Variants in PTPA observed in about 807,000 individuals in gnomAD.
PTPA encodes serine/threonine-protein phosphatase 2A activator.
In PTPA, 13 loss-of-function variants were observed where a neutral mutation model predicts 43.6. The observed-to-expected ratio is 0.30, with a 90% CI of 0.19 to 0.47. The LOEUF (loss-of-function observed/expected upper bound fraction) is 0.47, where lower values mean the gene tolerates loss of function less well. Ranked by LOEUF, PTPA falls within the 20% of genes least tolerant of loss-of-function variation. The pLI is 0.99. For missense variants in PTPA, 329 were observed against 411.9 expected, an observed-to-expected ratio of 0.80 and a Z score of 1.74; for synonymous variants, 172 against 158.2, an observed-to-expected ratio of 1.09 and a Z score of -0.66.
intron 2 of PTPA, among the ~76,000 whole-genome samples, chr9:129,121,391 T>G (rs547540138): frequency 6.6e-6 from 1 of 152,224 alleles, no homozygotes; most frequent in Non-Finnish European, 1.5e-5. Flanking sequence ...GTCTGATTCC[T>G]TTTTCACAAG....
At chr9:129,129,441 T>C (rs1399210556) in intron 4 of PTPA, among the ~76,000 whole-genome samples, 1 of 152,092 alleles carries the variant, frequency 6.6e-6, no homozygotes, top group Non-Finnish European at 1.5e-5. Context: ...ACTGTGCAGC[T>C]ATAAAAAGGA....
chr9:129,111,425 C>T lies in PTPA; in HGVS notation c.-176C>T, dbSNP rs1848472578. 1 of 1,249,344 alleles carries T rather than the reference C, an allele frequency of 8.0e-7. No individual in the cohort carries two copies. Among genetic ancestry groups the T allele is most frequent in the East Asian group, 3.2e-5 (1 of 31,582 alleles). The allele number at this position is 1,249,344 out of a possible 1,614,324, so 77.4% of individuals were successfully genotyped here. A position where few individuals can be genotyped will look rare whatever the true frequency, so the allele number is the denominator to read the frequency against. On this transcript the variant is annotated 5_prime_UTR_variant, in exon 1 of 10. Coordinates refer to ENST00000393370, the MANE Select transcript of PTPA (RefSeq NM_178000.3). ...CCCTGAGCGCCCCGCACCGACATGG[C>T]GGCCGTCTTCGCTGTGGTGACTTTA... is the stretch of plus-strand genomic sequence containing the variant.
intron 1 of PTPA, among the ~76,000 whole-genome samples, chr9:129,112,855 C>T (rs539518485): frequency 6.6e-6 from 1 of 152,044 alleles, no homozygotes; most frequent in South Asian, 2.1e-4. Context: ...GCAGGAGAAT[C>T]GCTTGAACCT....
chr9:129,118,635 AAAG>A (rs1849049355), intron 1 of PTPA, among the ~76,000 whole-genome samples: 1 of 152,090 alleles, frequency 6.6e-6, no homozygotes, highest in Non-Finnish European at 1.5e-5. Flanking sequence ...TTGGCCTCCC[AAAG>A]TGCTGGGATT....
intron 3 of PTPA, among the ~76,000 whole-genome samples, chr9:129,124,236 G>T (rs574731098): frequency 2.0e-5 from 3 of 151,952 alleles, no homozygotes; most frequent in Admixed American, 1.3e-4. Context: ...TAGAGACAGG[G>T]TCTCACTATG....
chr9:129,111,933 C>A, intron 1 of PTPA: 1 of 516,904 alleles, frequency 1.9e-6, no homozygotes, highest in Non-Finnish European at 2.9e-6. Context: ...CCTTTTGCAT[C>A]TCTGGGCAGC....
At chr9:129,132,998 C>T (rs1389992425) in intron 5 of PTPA, among the ~76,000 whole-genome samples, 1 of 152,010 alleles carries the variant, frequency 6.6e-6, no homozygotes, top group Non-Finnish European at 1.5e-5. Context: ...GTGGAGCCAC[C>T]ATGCTGAGAC....
intron 1 of PTPA, 124 bp downstream of exon 1, chr9:129,111,755 C>G: frequency 8.1e-7 from 1 of 1,237,232 alleles, no homozygotes; most frequent in Non-Finnish European, 1.0e-6. Flanking sequence ...CTGAGGGGCC[C>G]CGAGGAGGGA....
At chr9:129,125,654 C>T (rs1017788642) in intron 3 of PTPA, among the ~76,000 whole-genome samples, 2 of 152,066 alleles carry the variant, frequency 1.3e-5, no homozygotes, top group Non-Finnish European at 2.9e-5. Context: ...CATTTTTGAC[C>T]CTCTGTTTCC....
chr9:129,131,716 C>T (rs553551982), intron 5 of PTPA, 77 bp downstream of exon 5: 2 of 1,397,928 alleles, frequency 1.4e-6, no homozygotes, highest in African/African-American at 2.8e-5. Context: ...GTCTCTGGGC[C>T]CTCTGAGCAA....
chr9:129,128,955 A>G, intron 3 of PTPA, 30 bp from the exon 4 acceptor site: 5 of 1,612,112 alleles, frequency 3.1e-6, no homozygotes, highest in Non-Finnish European at 4.2e-6. Context: ...CTTGCTCTGT[A>G]GCTTGGACCC....
At chr9:129,146,689 G>C (rs1195887644) in intron 9 of PTPA, among the ~76,000 whole-genome samples, 1 of 152,202 alleles carries the variant, frequency 6.6e-6, no homozygotes. Context: ...TGGAAGCTGG[G>C]GTTGGCTGCC....
intron 1 of PTPA, among the ~76,000 whole-genome samples, chr9:129,115,466 A>G (rs1432445148): frequency 6.6e-6 from 1 of 152,112 alleles, no homozygotes; most frequent in South Asian, 2.1e-4. Context: ...TCCTCTCCAG[A>G]CAGGCTCTAT....
chr9:129,125,963 A>G (rs1026444811), intron 3 of PTPA, among the ~76,000 whole-genome samples: 1 of 152,008 alleles, frequency 6.6e-6, no homozygotes, highest in African/African-American at 2.4e-5. Context: ...CCTGGCCAAC[A>G]TGGTGGAACC....
Position 129,148,625 on chromosome 9 carries a change from TC to T in PTPA, c.*1163del. 1 of 152,784 alleles carries T rather than the reference TC, an allele frequency of 6.5e-6. No individual in the cohort carries two copies. Among genetic ancestry groups the T allele is most frequent in the Non-Finnish European group, 1.5e-5 (1 of 68,140 alleles). 9.5% of individuals were successfully genotyped at this position (152,784 alleles called of 1,614,324 possible). On this transcript the variant is annotated 3_prime_UTR_variant, in exon 10 of 10. Transcript: ENST00000393370. Reference sequence around the variant, plus strand: ...CCGCCGAGGTTTCTCCTAGGGCTGTTCCTGGGCCTGGCTCTTACAGGCTCGT... The same window carrying T: ...CCGCCGAGGTTTCTCCTAGGGCTGTTCTGGGCCTGGCTCTTACAGGCTCGT...
Position 129,111,646 on chromosome 9 carries a change from G to T in PTPA, c.31+15G>T. The T allele has an allele frequency of 1.6e-6, 2 of 1,280,366 alleles. No individual in the cohort carries two copies. The highest frequency in any genetic ancestry group is 3.1e-5 in the East Asian group (1 of 31,780). The allele number at this position is 1,280,366 out of a possible 1,614,324, so 79.3% of individuals were successfully genotyped here. On this transcript the variant is annotated intron_variant, in intron 1 of 9. Coordinates refer to ENST00000393370, the MANE Select transcript of PTPA (RefSeq NM_178000.3). ...GCCGCCGCCAGGTAAGGCCGGCGGGGCCAGGCCGGGCCGGGGTCGGGTAGG... is the reference window on the plus strand; with the variant it reads ...GCCGCCGCCAGGTAAGGCCGGCGGGTCCAGGCCGGGCCGGGGTCGGGTAGG...
In PTPA at chr9:129,128,038, A is replaced by AC. The variant is rs373394384; in HGVS notation, c.217-943dup. On this transcript the variant is annotated intron_variant, in intron 3 of 9. Transcript: ENST00000393370. ...TGTCCTGCGATGAATGCATACCATT[A>AC]CCCCGCGCCGGGCACTGTGCACCTT... 30 of 1,343,592 alleles carry AC rather than the reference A, an allele frequency of 2.2e-5. No homozygotes were observed. In the African/African-American group the frequency reaches 3.6e-4, roughly 16 times the overall value. The allele number at this position is 1,343,592 out of a possible 1,614,324, so 83.2% of individuals were successfully genotyped here.
intron 3 of PTPA, among the ~76,000 whole-genome samples, chr9:129,124,094 C>T (rs764571366): frequency 5.9e-5 from 9 of 152,172 alleles, no homozygotes; most frequent in Non-Finnish European, 1.0e-4. Context: ...CTGATCTCTC[C>T]CTGTGTTTCT....
At chr9:129,117,477 C>T (rs913571628) in intron 1 of PTPA, among the ~76,000 whole-genome samples, 6 of 151,510 alleles carry the variant, frequency 4.0e-5, no homozygotes, top group African/African-American at 1.2e-4. Flanking sequence ...GATCTTGGCT[C>T]ACTGCAACCT....
Sources: gnomAD v4.1 joint callset for allele counts (sites outside exome capture counted in the v4.1 genomes callset) on GRCh38, gnomAD v4.1.1 for gene constraint, MANE v1.5 for transcripts, NCBI Gene and HGNC (gene_info 2026-07-23, HGNC 2026-07-21) for gene names.